Variants in ERG observed in about 807,000 individuals in gnomAD.
ERG encodes transcriptional regulator ERG.
ERG carries 9 observed loss-of-function variants against 55.3 expected under a neutral mutation model. The observed-to-expected ratio is 0.16, with a 90% confidence interval of 0.10 to 0.28. ERG has a LOEUF of 0.28. ERG is among the 10% of genes least tolerant of loss of function. The pLI is 1.00. For synonymous variants in ERG, 223 were observed against 237.3 expected (o/e 0.94, Z 0.55); for missense variants, 434 against 631.6 (o/e 0.69, Z 3.35).
chr21:38,401,522 GC>G (rs1988493347), intron 5 of ERG, among the ~76,000 whole-genome samples: 1 of 152,158 alleles, frequency 6.6e-6, no homozygotes, highest in Non-Finnish European at 1.5e-5. Flanking sequence ...TGATAAATGA[GC>G]AATTTCATTG....
intron 1 of ERG, among the ~76,000 whole-genome samples, chr21:38,635,211 T>C (rs547383224): frequency 6.6e-6 from 1 of 152,300 alleles, no homozygotes; most frequent in East Asian, 1.9e-4. Flanking sequence ...GGTACTATCA[T>C]AGTAGGATCT....
chr21:38,483,181 C>T (rs955906540), intron 1 of ERG, among the ~76,000 whole-genome samples: 1 of 152,070 alleles, frequency 6.6e-6, no homozygotes, highest in Admixed American at 6.5e-5. Flanking sequence ...AGCAAATATG[C>T]AGGGTGAACA....
chr21:38,493,398 G>C (rs996117885), intron 1 of ERG, among the ~76,000 whole-genome samples: 9 of 152,136 alleles, frequency 5.9e-5, no homozygotes, highest in African/African-American at 2.2e-4. Context: ...TAGATACAAG[G>C]CCAAACAGAT....
rs1051681597 is a variant in ERG at position 38,515,058 on chromosome 21, A to G, written c.-41+60604T>C. On this transcript the variant is annotated intron_variant, in intron 2 of 8. Transcript: ENST00000398897. ...TACGTGCAGAACCTCTACACCAAAA[A>G]CTACAAAATATTATTAAAAGAAGAC... Among the ~76,000 whole-genome samples the G allele has an allele frequency of 8.9e-4, 136 of 152,022 alleles. 5 individuals are homozygous for G. The highest frequency in any genetic ancestry group is 5.9e-4 in the Non-Finnish European group (40 of 67,878).
chr21:38,655,590 T>C (rs2060514087), intron 1 of ERG, among the ~76,000 whole-genome samples: 1 of 152,194 alleles, frequency 6.6e-6, no homozygotes, highest in Non-Finnish European at 1.5e-5. Flanking sequence ...ATTAATTGTG[T>C]GTGAGGGGTG....
chr21:38,368,170 C>A, the ERG span, among the ~76,000 whole-genome samples: 4 of 152,310 alleles, frequency 2.6e-5, no homozygotes, highest in African/African-American at 9.6e-5. Context: ...AACCCCATCC[C>A]TCTTCTTCCC....
chr21:38,425,739 G>C (rs1281624290), intron 2 of ERG, among the ~76,000 whole-genome samples: 2 of 152,194 alleles, frequency 1.3e-5, no homozygotes, highest in African/African-American at 4.8e-5. Context: ...TCCACTTCTT[G>C]TTAGTTGGAG....
At chr21:38,647,313 T>C (rs562574440) in intron 1 of ERG, among the ~76,000 whole-genome samples, 3 of 152,326 alleles carry the variant, frequency 2.0e-5, no homozygotes, top group African/African-American at 7.2e-5. Context: ...CACCGTCTTT[T>C]TTCCTAAACA....
In ERG at chr21:38,566,640, C is replaced by G. The variant is rs1305382381; in HGVS notation, c.-41+9022G>C. ...CCAAGGCCAAATAATGCTCTCTAAA[C>G]CCTTAGAGGTGTGACTAGGATATTC... On this transcript the variant is annotated intron_variant, in intron 2 of 8. Transcript: ENST00000398897. Among the ~76,000 whole-genome samples, 175 of 152,184 alleles carry G rather than the reference C, an allele frequency of 1.1e-3. 1 individual carries two copies. Among genetic ancestry groups the G allele is most frequent in the Non-Finnish European group, 2.8e-4 (19 of 68,044 alleles).
In ERG at chr21:38,441,582, C is replaced by T. The variant is rs1282555432; in HGVS notation, c.236+3822G>A. Among the ~76,000 whole-genome samples, 3 of 152,200 alleles carry T rather than the reference C, an allele frequency of 2.0e-5. No individual in the cohort carries two copies. The East Asian group carries it at 5.8e-4, about 29-fold the overall frequency. On this transcript the variant is annotated intron_variant, in intron 2 of 9. Transcript: ENST00000288319. ...TCCCAACTGATACACCAGGCCAGCA[C>T]CCAGACACAATGCCAGGAGACACAC...
intron 1 of ERG, among the ~76,000 whole-genome samples, chr21:38,463,966 G>A (rs62219567): frequency 1.6e-3 from 249 of 152,222 alleles, no homozygotes; most frequent in South Asian, 6.0e-3. Flanking sequence ...AAGTCCTGTC[G>A]TCTAAGCAGC....
Position 38,387,707 on chromosome 21 carries a change from T to C in ERG, c.919+3288A>G, listed in dbSNP as rs141084265. On this transcript the variant is annotated intron_variant, in intron 9 of 9. Coordinates refer to ENST00000288319, the MANE Select transcript of ERG (RefSeq NM_182918.4). ...CTAAAGAAAGAGAAATACTGTTCAA[T>C]TGGCCTATTGAACCATGAAGAAGCT... Among the ~76,000 whole-genome samples, 3 of 152,354 alleles carry C rather than the reference T, an allele frequency of 2.0e-5. No homozygotes were observed. In the East Asian group the frequency reaches 5.8e-4, roughly 29 times the overall value.
rs1328493811 is a variant in ERG, at chr21:38,429,537, A to G, written c.237-5976T>C. On this transcript the variant is annotated intron_variant, in intron 2 of 9. Coordinates refer to ENST00000288319, the MANE Select transcript of ERG (RefSeq NM_182918.4). ...TATATACATGTATGCACATGTACAT[A>G]TATACATATGTGTATATGTACATGT... is the stretch of plus-strand genomic sequence containing the variant. Among the ~76,000 whole-genome samples, 6 of 81,222 alleles carry G rather than the reference A, an allele frequency of 7.4e-5. 2 individuals carry two copies. Among genetic ancestry groups the G allele is most frequent in the Admixed American group, 6.6e-4 (6 of 9,084 alleles). 53.3% of individuals were successfully genotyped at this position (81,222 alleles called of 152,430 possible). A position where few individuals can be genotyped will look rare whatever the true frequency, so the allele number is the denominator to read the frequency against.
chr21:38,418,138 A>C (rs889694786), intron 3 of ERG, among the ~76,000 whole-genome samples: 3 of 152,218 alleles, frequency 2.0e-5, no homozygotes, highest in Non-Finnish European at 4.4e-5. Flanking sequence ...ATTCAAGTCT[A>C]TTAAAGTAAA....
chr21:38,397,337 C>A (rs374340181), intron 6 of ERG, among the ~76,000 whole-genome samples: 1 of 151,994 alleles, frequency 6.6e-6, no homozygotes, highest in Non-Finnish European at 1.5e-5. Context: ...TGGTGGTTCA[C>A]GCCTGTAATC....
rs141024961 is a variant in ERG, at chr21:38,463,877, T to C, written c.19-18256A>G. On this transcript the variant is annotated intron_variant, in intron 1 of 9. Transcript: ENST00000288319. ...CAGTCTGCACGTAATCCAGGCTTTG[T>C]ATTCCCACTTCCCGTATCCCCTCAC... Among the ~76,000 whole-genome samples the C allele has an allele frequency of 6.9e-4, 105 of 152,310 alleles. 1 individual carries two copies. The highest frequency in any genetic ancestry group is 3.7e-3 in the East Asian group (19 of 5,184).
chr21:38,581,308 A>G (rs9979582), intron 1 of ERG, among the ~76,000 whole-genome samples: 12,365 of 152,260 alleles, frequency 0.081, 569 homozygotes, highest in South Asian at 0.13. Context: ...TTGGAAACCT[A>G]TAAATGATCA....
Position 38,383,540 on chromosome 21 carries a change from G to T in ERG, c.1303C>A (p.Pro435Thr), listed in dbSNP as rs1403874321. 1.3e-6 allele frequency: 2 copies of T among 1,582,850 alleles called. No homozygotes were observed. Among genetic ancestry groups the T allele is most frequent in the Non-Finnish European group, 1.7e-6 (2 of 1,160,930 alleles). Residue 435 changes from proline to threonine, a missense_variant, in exon 10 of 10, where the codon CCT (proline) becomes ACT (threonine). Coordinates refer to ENST00000288319, the MANE Select transcript of ERG (RefSeq NM_182918.4). This position sits in a 1 kb window ranked among gnomAD's most constrained non-coding sequence, Gnocchi z 5.7. ...GAAGATGTCACGGGGAGGGCTGGAG[G>T]GTGGGGCGCCACAAAGTTCATCTTC... is the stretch of plus-strand genomic sequence containing the variant. ...PQKMNFVAPH[P>T]PALPVTSSSF...
intron 2 of ERG, among the ~76,000 whole-genome samples, chr21:38,564,982 C>T (rs1400649626): frequency 4.6e-5 from 7 of 152,212 alleles, no homozygotes. Context: ...CAGGCATCTC[C>T]AACTCAACAC....
Sources: allele counts gnomAD v4.1 joint callset (sites outside exome capture counted in the v4.1 genomes callset), GRCh38; gene constraint gnomAD v4.1.1; non-coding constraint Gnocchi (gnomAD v3.1); transcripts MANE v1.5; gene names NCBI Gene and HGNC (gene_info 2026-07-23, HGNC 2026-07-21).